The following SFTPD variants were observed in gnomAD, a reference collection of about 807,000 sequenced individuals.
The protein encoded by SFTPD is surfactant protein D, also known as pulmonary surfactant-associated protein D.
A neutral mutation model predicts 34.6 loss-of-function variants in SFTPD; 18 were observed. The observed-to-expected ratio is 0.52, with a 90% CI of 0.36 to 0.77. SFTPD has a LOEUF of 0.77. Ranked by LOEUF, SFTPD falls within the 30% of genes least tolerant of loss-of-function variation. The pLI is 0.00. For missense variants in SFTPD, 433 were observed against 468.9 expected (o/e 0.92, Z 0.71); for synonymous variants, 155 against 180.9 (o/e 0.86, Z 1.15).
intron 7 of SFTPD, among the ~76,000 whole-genome samples, chr10:79,939,824 C>T (rs1239342128): frequency 1.3e-5 from 2 of 152,138 alleles, no homozygotes; most frequent in Non-Finnish European, 2.9e-5. Flanking sequence ...ATGAGATGCG[C>T]CTGAACTCAA....
chr10:79,942,489 G>A lies in SFTPD; in HGVS notation c.332C>T (p.Pro111Leu). Residue 111 changes from proline (P) to leucine (L), a missense_variant, in exon 4 of 8, where the codon CCC (proline) becomes CTC (leucine). By Grantham distance (98) the Pro-to-Leu change is moderately conservative. Transcript: ENST00000372292. ...TCTTCCAGCTGGACCAGGCACACCGGGAGGTCCTGGAGGTCCTGAGCAAAA... is the reference window on the plus strand; with the variant it reads ...TCTTCCAGCTGGACCAGGCACACCGAGAGGTCCTGGAGGTCCTGAGCAAAA... ...DTGPSGPPGPPGVPGPAGREG... is the reference protein window; with the variant it reads ...DTGPSGPPGPLGVPGPAGREG... The A allele has an allele frequency of 6.2e-7, 1 of 1,609,246 alleles. No individual in the cohort carries two copies. The highest frequency in any genetic ancestry group is 1.1e-5 in the South Asian group (1 of 91,010).
intron 1 of SFTPD, chr10:79,968,284 C>G: frequency 6.6e-6 from 1 of 152,156 alleles, no homozygotes; most frequent in East Asian, 1.9e-4. Context: ...CTATTATACC[C>G]ACTTCCCAGG....
intron 1 of SFTPD, among the ~76,000 whole-genome samples, chr10:79,967,154 A>G (rs1251307640): frequency 8.3e-6 from 1 of 120,140 alleles, no homozygotes; most frequent in Non-Finnish European, 1.6e-5. Context: ...CTTATACACC[A>G]ACAACAGACA....
chr10:79,965,035 T>G (rs1164027428), intron 1 of SFTPD, among the ~76,000 whole-genome samples: 4 of 152,170 alleles, frequency 2.6e-5, no homozygotes, highest in African/African-American at 9.7e-5. Flanking sequence ...CAGTGGAATC[T>G]TCATACACTT....
chr10:79,951,643 G>T (rs1842710847), upstream of SFTPD, among the ~76,000 whole-genome samples: 1 of 152,176 alleles, frequency 6.6e-6, no homozygotes, highest in Admixed American at 6.5e-5. Context: ...CTGTCAGCCT[G>T]TTTTTTATTT....
At chr10:79,964,734 G>C (rs190720742) in intron 1 of SFTPD, among the ~76,000 whole-genome samples, 1 of 151,966 alleles carries the variant, frequency 6.6e-6, no homozygotes, top group East Asian at 1.9e-4. Context: ...GTCAGGCCCC[G>C]CTCCCTTCCC....
At chr10:79,961,307 A>C (rs1842771171) in intron 1 of SFTPD, among the ~76,000 whole-genome samples, 1 of 152,196 alleles carries the variant, frequency 6.6e-6, no homozygotes, top group South Asian at 2.1e-4. Flanking sequence ...GGATCTAATT[A>C]AACTAAAGAG....
intron 1 of SFTPD, among the ~76,000 whole-genome samples, chr10:79,956,907 G>A (rs1842743238): frequency 6.6e-6 from 1 of 152,166 alleles, no homozygotes; most frequent in Non-Finnish European, 1.5e-5. Context: ...CCCCCAGTAG[G>A]GACAGACTGA....
chr10:79,957,265 C>A (rs1842745442), intron 1 of SFTPD, among the ~76,000 whole-genome samples: 1 of 152,208 alleles, frequency 6.6e-6, no homozygotes, highest in Non-Finnish European at 1.5e-5. Flanking sequence ...CAAAGGAATG[C>A]AGCTCCTCAC....
At chr10:79,979,176 T>A (rs1356156978) in intron 1 of SFTPD, among the ~76,000 whole-genome samples, 1 of 152,044 alleles carries the variant, frequency 6.6e-6, no homozygotes, top group Non-Finnish European at 1.5e-5. Flanking sequence ...TATCTAGGAA[T>A]AAATTTAACC....
intron 1 of SFTPD, among the ~76,000 whole-genome samples, chr10:79,959,860 C>T (rs890710647): frequency 1.3e-5 from 2 of 151,994 alleles, no homozygotes; most frequent in African/African-American, 4.8e-5. Flanking sequence ...AATTTTAGAC[C>T]AATATCCTTG....
At chr10:79,977,812 C>T (rs1324659172) in intron 1 of SFTPD, among the ~76,000 whole-genome samples, 1 of 141,282 alleles carries the variant, frequency 7.1e-6, no homozygotes, top group African/African-American at 2.6e-5. Flanking sequence ...TTCTTTTCCA[C>T]CTTTCTTTCT....
chr10:79,957,017 C>T (rs1342942008), intron 1 of SFTPD, among the ~76,000 whole-genome samples: 9 of 149,050 alleles, frequency 6.0e-5, no homozygotes, highest in African/African-American at 9.9e-5. Context: ...CTACAGCCAC[C>T]GCTGCTGATA....
At chr10:79,957,580 C>T (rs970499898) in intron 1 of SFTPD, among the ~76,000 whole-genome samples, 16 of 151,920 alleles carry the variant, frequency 1.1e-4, no homozygotes, top group South Asian at 4.2e-4. Flanking sequence ...TGAAGTGAAG[C>T]GAGAAGGGAA....
At chr10:79,961,129 T>G (rs1842769984) in intron 1 of SFTPD, among the ~76,000 whole-genome samples, 1 of 152,168 alleles carries the variant, frequency 6.6e-6, no homozygotes, top group African/African-American at 2.4e-5. Flanking sequence ...TCCTTACACC[T>G]TATACAAAAA....
In SFTPD at chr10:79,937,781, G is replaced by A. The variant is rs1842570480; in HGVS notation, c.*71C>T. 9 of 1,447,196 alleles carry A rather than the reference G, an allele frequency of 6.2e-6. No homozygotes were observed. Among genetic ancestry groups the A allele is most frequent in the Non-Finnish European group, 8.3e-6 (9 of 1,078,354 alleles). 89.6% of individuals were successfully genotyped at this position (1,447,196 alleles called of 1,614,324 possible). A position where few individuals can be genotyped will look rare whatever the true frequency, so the allele number is the denominator to read the frequency against. On this transcript the variant is annotated 3_prime_UTR_variant, in exon 8 of 8. Transcript: ENST00000372292. ...TCACCTTTTTATTAGGATATTGGCAGCATGAGGGTCTAAGCCTTGACTTCT... is the reference window on the plus strand; with the variant it reads ...TCACCTTTTTATTAGGATATTGGCAACATGAGGGTCTAAGCCTTGACTTCT...
intron 1 of SFTPD, among the ~76,000 whole-genome samples, chr10:79,980,230 T>C (rs1034052327): frequency 1.3e-5 from 2 of 151,586 alleles, no homozygotes; most frequent in African/African-American, 4.9e-5. Context: ...GACTCCTGCT[T>C]GAGGAAAGGA....
At chr10:79,982,331 G>A in intron 1 of SFTPD, 1 of 958,596 alleles carries the variant, frequency 1.0e-6, no homozygotes, top group Non-Finnish European at 1.4e-6. Context: ...CAGCGCCTCG[G>A]GCGGCGCTGC....
chr10:79,977,635 T>G (rs1413674843), intron 1 of SFTPD, among the ~76,000 whole-genome samples: 1 of 152,226 alleles, frequency 6.6e-6, no homozygotes, highest in Non-Finnish European at 1.5e-5. Flanking sequence ...CAGGTATCTG[T>G]GGTGAAAGAG....
Sources: allele counts gnomAD v4.1 joint callset (sites outside exome capture counted in the v4.1 genomes callset), GRCh38; gene constraint gnomAD v4.1.1; transcripts MANE v1.5; gene names NCBI Gene and HGNC (gene_info 2026-07-23, HGNC 2026-07-21).